Variants in ARMH1 observed in about 807,000 individuals in gnomAD.
ARMH1 encodes armadillo like helical domain containing 1.
A neutral mutation model predicts 50.2 loss-of-function variants in ARMH1; 34 were observed. The observed-to-expected ratio is 0.68, with a 90% CI of 0.51 to 0.90. ARMH1 has a LOEUF of 0.90. Among genes scored for constraint, ARMH1 ranks in the 40% least tolerant of loss-of-function variants. ARMH1 has a pLI of 0.00. For synonymous variants in ARMH1, 221 were observed against 224.2 expected (o/e 0.99, Z 0.13); for missense variants, 538 against 553.9 (o/e 0.97, Z 0.29).
rs1487987908 is a variant in ARMH1 at position 44,725,094 on chromosome 1, G to C, written c.1129-42G>C. On this transcript the variant is annotated intron_variant, in intron 10 of 11. Coordinates refer to ENST00000535358, the MANE Select transcript of ARMH1 (RefSeq NM_001145636.2). ...CCAAGCCCAACTCCAAGTCCAGACT[G>C]CCCTGGCACCCCAGCCGGGTCCCCC... 2.6e-6 allele frequency: 4 copies of C among 1,551,198 alleles called. No homozygotes were observed. In the South Asian group the frequency reaches 4.8e-5, roughly 18 times the overall value.
Position 44,724,757 on chromosome 1 carries a change from C to T in ARMH1, c.1051-5C>T. On this transcript the variant is annotated splice_polypyrimidine_tract_variant and splice_region_variant and intron_variant, in intron 9 of 11. Transcript: ENST00000535358. The surrounding 1 kb of genome is among the most constrained non-coding windows in gnomAD (Gnocchi z 6.4). ...CAGTCACGCCGCCTCGCCCGCGCGGCGCAGTGCTTCGTGCAGATGTTCCCC... is the reference window on the plus strand; with the variant it reads ...CAGTCACGCCGCCTCGCCCGCGCGGTGCAGTGCTTCGTGCAGATGTTCCCC... 6.5e-7 allele frequency: 1 copy of T among 1,540,160 alleles called. No homozygotes were observed. The highest frequency in any genetic ancestry group is 1.2e-5 in the South Asian group (1 of 83,610).
intron 2 of ARMH1, among the ~76,000 whole-genome samples, chr1:44,690,734 A>G (rs1177048282): frequency 1.3e-5 from 2 of 152,040 alleles, no homozygotes; most frequent in African/African-American, 4.8e-5. Context: ...GCTGGGGTGC[A>G]ATGGCACAAT....
chr1:44,694,342 A>G (rs1645753707), intron 2 of ARMH1, among the ~76,000 whole-genome samples: 1 of 152,172 alleles, frequency 6.6e-6, no homozygotes. Flanking sequence ...AAGTCAATAT[A>G]ATAGCATCAC....
intron 6 of ARMH1, among the ~76,000 whole-genome samples, chr1:44,712,268 G>A (rs1044297585): frequency 6.6e-6 from 1 of 152,144 alleles, no homozygotes; most frequent in Non-Finnish European, 1.5e-5. Flanking sequence ...AGACCAGCCT[G>A]GGCAACAAGG....
At chr1:44,696,137 A>T (rs1645821483) in intron 2 of ARMH1, among the ~76,000 whole-genome samples, 1 of 152,246 alleles carries the variant, frequency 6.6e-6, no homozygotes, top group African/African-American at 2.4e-5. Flanking sequence ...GGCCCCAACT[A>T]TGGCAGCAAG....
rs1260526896 is a variant in ARMH1 at position 44,681,020 on chromosome 1, A to C, written c.-23+6147A>C. ...CCTTTTTTTTTTTTTTTTGAGACGG[A>C]GTCTCGCTCTGTCACCCAGGCTGGA... On this transcript the variant is annotated intron_variant, in intron 1 of 11. Coordinates refer to ENST00000535358, the MANE Select transcript of ARMH1 (RefSeq NM_001145636.2). The surrounding 1 kb of genome is among the most constrained non-coding windows in gnomAD (Gnocchi z 4.3). 7.6e-6 allele frequency among the ~76,000 whole-genome samples: 1 copy of C among 130,770 alleles called. No individual in the cohort carries two copies. Among genetic ancestry groups the C allele is most frequent in the African/African-American group, 3.1e-5 (1 of 31,910 alleles). The allele number at this position is 130,770 out of a possible 152,430, so 85.8% of individuals were successfully genotyped here.
At chr1:44,687,864 G>C (rs952095468) in intron 1 of ARMH1, among the ~76,000 whole-genome samples, 1 of 152,172 alleles carries the variant, frequency 6.6e-6, no homozygotes, top group Non-Finnish European at 1.5e-5. Flanking sequence ...TTGAGGAGCC[G>C]TAATGTGCCC....
chr1:44,703,548 C>T (rs61789886), intron 5 of ARMH1, among the ~76,000 whole-genome samples: 18,533 of 141,566 alleles, frequency 0.13, 1,479 homozygotes, highest in Admixed American at 0.21. Flanking sequence ...CATGGGGAAA[C>T]TCCGTCTCTA....
chr1:44,706,026 G>A (rs1646327991), intron 6 of ARMH1, among the ~76,000 whole-genome samples: 1 of 152,202 alleles, frequency 6.6e-6, no homozygotes, highest in African/African-American at 2.4e-5. Flanking sequence ...GGAAAGGTAG[G>A]CTAGGAGCAA....
chr1:44,716,332 T>G (rs980841844), intron 6 of ARMH1, among the ~76,000 whole-genome samples: 7 of 152,224 alleles, frequency 4.6e-5, no homozygotes, highest in Non-Finnish European at 7.3e-5. Flanking sequence ...TGATCTTTAC[T>G]CATTTACCCC....
At chr1:44,705,425 G>A (rs552419701) in intron 6 of ARMH1, among the ~76,000 whole-genome samples, 7 of 151,962 alleles carry the variant, frequency 4.6e-5, no homozygotes, top group East Asian at 1.9e-4. Context: ...CCTAGGAGGC[G>A]GAGGTTGCAT....
At chr1:44,700,356 G>A (rs1371179227) in intron 4 of ARMH1, among the ~76,000 whole-genome samples, 1 of 152,118 alleles carries the variant, frequency 6.6e-6, no homozygotes, top group Non-Finnish European at 1.5e-5. Context: ...CGTGGCTCAC[G>A]CCTCTAATCC....
chr1:44,689,452 A>G (rs1283908775), intron 1 of ARMH1, among the ~76,000 whole-genome samples: 4 of 152,194 alleles, frequency 2.6e-5, no homozygotes, highest in Non-Finnish European at 4.4e-5. Flanking sequence ...TTTAGTTCTT[A>G]AAGAGCAGAC....
intron 6 of ARMH1, among the ~76,000 whole-genome samples, chr1:44,705,025 C>G (rs543394012): frequency 2.4e-3 from 361 of 150,538 alleles, no homozygotes; most frequent in Admixed American, 4.5e-3. Flanking sequence ...TTAGTGGAGA[C>G]GAGGTTTCGC....
Position 44,725,551 on chromosome 1 carries a change from C to A in ARMH1, c.*148C>A, listed in dbSNP as rs1648169818. 6.7e-6 allele frequency: 5 copies of A among 741,828 alleles called. No individual in the cohort carries two copies. In the East Asian group the frequency reaches 1.3e-4, roughly 20 times the overall value. The allele number at this position is 741,828 out of a possible 1,614,324, so 46.0% of individuals were successfully genotyped here. ...CATCCCAGAGGGGCAGAGGAAGAGC[C>A]GCTGGCTGCGAAGAGTCAATAAACA... On this transcript the variant is annotated 3_prime_UTR_variant, in exon 12 of 12. Transcript: ENST00000535358.
At chr1:44,725,012 C>A in intron 10 of ARMH1, 124 bp from the exon 11 acceptor site, 1 of 1,513,804 alleles carries the variant, frequency 6.6e-7, no homozygotes, top group South Asian at 1.3e-5. Context: ...TTCCTGTTCC[C>A]TTTCCTGCCC....
At chr1:44,709,229 T>C (rs1243327576) in intron 6 of ARMH1, among the ~76,000 whole-genome samples, 2 of 152,338 alleles carry the variant, frequency 1.3e-5, no homozygotes, top group East Asian at 3.9e-4. Context: ...TTTGCTTGTT[T>C]CTCCTGTTTC....
intron 6 of ARMH1, among the ~76,000 whole-genome samples, chr1:44,709,936 A>C (rs1646527197): frequency 6.6e-6 from 1 of 152,194 alleles, no homozygotes; most frequent in Admixed American, 6.5e-5. Flanking sequence ...TCATTTGTAG[A>C]ATACAATTTT....
At chr1:44,710,606 C>G (rs1646567425) in intron 6 of ARMH1, among the ~76,000 whole-genome samples, 1 of 64,958 alleles carries the variant, frequency 1.5e-5, no homozygotes, top group Admixed American at 2.2e-4. Context: ...AAGACTCCGT[C>G]TCAAAAAAAA....
Sources: gnomAD v4.1 joint callset for allele counts (sites outside exome capture counted in the v4.1 genomes callset) on GRCh38, gnomAD v4.1.1 for gene constraint, Gnocchi (gnomAD v3.1) non-coding constraint, MANE v1.5 for transcripts, NCBI Gene and HGNC (gene_info 2026-07-23, HGNC 2026-07-21) for gene names.